The following NR1I3 variants were observed in gnomAD, a reference collection of about 807,000 sequenced individuals.
NR1I3 encodes the protein nuclear receptor subfamily 1 group I member 3.
A neutral mutation model predicts 38.4 loss-of-function variants in NR1I3; 30 were observed. That is an observed-to-expected ratio of 0.78 (90% CI 0.58 to 1.06). The LOEUF is 1.06. Among genes scored for constraint, NR1I3 ranks in the 50% least tolerant of loss-of-function variants. The pLI, the probability that NR1I3 is intolerant of heterozygous loss-of-function variation, is 0.00. For synonymous variants in NR1I3, 143 were observed against 165.1 expected (o/e 0.87, Z 1.03); for missense variants, 388 against 435.7 (o/e 0.89, Z 0.97).
rs150598676 is a variant in NR1I3 at position 161,232,929 on chromosome 1, G to A, written c.426C>T (p.Phe142=). The A allele has an allele frequency of 1.7e-5, 27 of 1,614,226 alleles. No homozygotes were observed. In the African/African-American group the frequency reaches 3.5e-4, roughly 21 times the overall value. ...FVQFRPPAHL[F]IHHQPLPTLA... is the part of the protein sequence containing the mutation. ...GGGTGGGCAAGGGCTGGTGATGGAT[G>A]AACAGATGAGCTGGAGGCTGCAATG... Residue 142 remains phenylalanine, a synonymous_variant, in exon 5 of 9, where the codon TTC becomes TTT. Coordinates refer to ENST00000367983, the MANE Select transcript of NR1I3 (RefSeq NM_005122.5).
In NR1I3 at chr1:161,236,698, G is replaced by A. The variant is rs924688051; in HGVS notation, c.-33-100C>T. On this transcript the variant is annotated intron_variant, in intron 1 of 8. Transcript: ENST00000367983. ...TCCAAACCAAACCAAACATGCCCTT[G>A]ACTTGATCCCTGGCGTTATCTTTTG... 230 of 1,207,772 alleles carry A rather than the reference G, an allele frequency of 1.9e-4. No homozygotes were observed. The South Asian group carries it at 1.9e-3, about 10-fold the overall frequency. The allele number at this position is 1,207,772 out of a possible 1,614,324, so 74.8% of individuals were successfully genotyped here.
At position 161,236,492 on chromosome 1, in the gene NR1I3, G is replaced by T. The variant is rs756548242; in HGVS notation, c.74C>A (p.Ala25Glu). 48 of 1,614,136 alleles carry T rather than the reference G, an allele frequency of 3.0e-5. No homozygotes were observed. Among genetic ancestry groups the T allele is most frequent in the Non-Finnish European group, 4.0e-5 (47 of 1,180,022 alleles). Residue 25 changes from alanine (A) to glutamate (E), a missense_variant, in exon 2 of 9, where the codon GCG (alanine) becomes GAG (glutamate). Ala to Glu is a moderately radical substitution (Grantham distance 107). Transcript: ENST00000367983. ...GDQATGYHFN[A>E]LTCEGCKGFF... ...ACCCTTGCAGCCCTCACAAGTCAGC[G>T]CATTAAAGTGGTAGCCTGTGGCTTG... is the stretch of plus-strand genomic sequence containing the variant.
At chr1:161,236,949 C>T (rs1324894593) in intron 1 of NR1I3, among the ~76,000 whole-genome samples, 1 of 136,962 alleles carries the variant, frequency 7.3e-6, no homozygotes, top group Non-Finnish European at 1.7e-5. Flanking sequence ...TGCCATGTTG[C>T]CCAGGTTGGT....
rs994487200 is a variant in NR1I3, at chr1:161,236,557, A to G, written c.9T>C (p.Ser3=). 9 of 1,613,822 alleles carry G rather than the reference A, an allele frequency of 5.6e-6. No homozygotes were observed. The Admixed American group carries it at 1.0e-4, about 18-fold the overall frequency. MA[S]REDELRNCVV... is the part of the protein sequence containing the mutation. ...CACAGTTCCTCAGCTCATCTTCCCT[A>G]CTGGCCATGACGTCACGTGTTGGGG... The change falls in exon 2 of 9, where the codon AGT becomes AGC. Residue 3 remains serine, a synonymous_variant. Transcript: ENST00000367983.
chr1:161,230,809 G>A lies in NR1I3; in HGVS notation c.917+4C>T, dbSNP rs2307419. ...GCCTCCAAGCCCTCAGTGTCCCACC[G>A]TACCGATCCCGGGGCCTTCGCTGCT... is the stretch of plus-strand genomic sequence containing the variant. On this transcript the variant is annotated splice_donor_region_variant and intron_variant, in intron 8 of 8. Coordinates refer to ENST00000367983, the MANE Select transcript of NR1I3 (RefSeq NM_005122.5). 1.4e-4 allele frequency: 225 copies of A among 1,613,894 alleles called. No individual in the cohort carries two copies. The highest frequency in any genetic ancestry group is 1.7e-4 in the African/African-American group (13 of 74,902).
At chr1:161,230,759 A>G (rs1301208032) in intron 8 of NR1I3, 54 bp downstream of exon 8, 2 of 1,611,770 alleles carry the variant, frequency 1.2e-6, no homozygotes, top group African/African-American at 2.7e-5. Flanking sequence ...TCAATGTTTC[A>G]CCAACCCCTT....
chr1:161,233,837 A>ATGTGTGTGTGTG (rs761756944), intron 3 of NR1I3, among the ~76,000 whole-genome samples: 3 of 118,572 alleles, frequency 2.5e-5, no homozygotes, highest in Non-Finnish European at 5.1e-5. Context: ...TCATATATAT[A>ATGTGTGTGTGTG]TGTGTGTGTG....
At chr1:161,237,972 C>T in intron 1 of NR1I3, 69 bp downstream of exon 1, 1 of 1,483,418 alleles carries the variant, frequency 6.7e-7, no homozygotes, top group Non-Finnish European at 9.4e-7. Context: ...ACGTGAGCCA[C>T]TATGCCTAGC....
chr1:161,232,528 A>G (rs1327407729), intron 5 of NR1I3, among the ~76,000 whole-genome samples: 2 of 150,688 alleles, frequency 1.3e-5, no homozygotes, highest in African/African-American at 4.9e-5. Context: ...AAACTTCTGG[A>G]CTCAAGCGAT....
chr1:161,232,895 CA>C lies in NR1I3; in HGVS notation c.459del (p.Val154CysfsTer83). 6.2e-7 allele frequency: 1 copy of C among 1,614,204 alleles called. No individual in the cohort carries two copies. Among genetic ancestry groups the C allele is most frequent in the Non-Finnish European group, 8.5e-7 (1 of 1,180,036 alleles). On this transcript the variant is annotated frameshift_variant, in exon 5 of 9. Coordinates refer to ENST00000367983, the MANE Select transcript of NR1I3 (RefSeq NM_005122.5). LOFTEE classifies it high-confidence loss of function. ...IHHQPLPTLA[P>X]VLPLVTHFAD... ...GCGAAGTGTGTGACCAGAGGCAGCA[CA>C]GGGGCCAGGGTGGGCAAGGGCTGGT... is the stretch of plus-strand genomic sequence containing the variant.
At position 161,233,330 on chromosome 1, in the gene NR1I3, A is replaced by T. The variant is rs1482010456; in HGVS notation, c.247T>A (p.Ser83Thr). Residue 83 changes from serine (S) to threonine (T), a missense_variant, in exon 4 of 9, where the codon TCG becomes ACG. Transcript: ENST00000367983. ...CGCCGCAATGCCAGGGCTTCTGCCGACAGTATCACTGTGCCAGGCAAGAGA... is the reference window on the plus strand; with the variant it reads ...CGCCGCAATGCCAGGGCTTCTGCCGTCAGTATCACTGTGCCAGGCAAGAGA... Reference protein sequence around the residue: ...DAGMRKDMILSAEALALRRAK... With the variant: ...DAGMRKDMILTAEALALRRAK... 6.2e-7 allele frequency: 1 copy of T among 1,613,418 alleles called. No homozygotes were observed. The highest frequency in any genetic ancestry group is 8.5e-7 in the Non-Finnish European group (1 of 1,179,938).
chr1:161,232,535 C>G (rs938462275), intron 5 of NR1I3, among the ~76,000 whole-genome samples: 2 of 151,796 alleles, frequency 1.3e-5, no homozygotes, highest in Non-Finnish European at 2.9e-5. Context: ...TGGACTCAAG[C>G]GATCTGCCAG....
chr1:161,230,542 C>T, intron 8 of NR1I3: 4 of 568,206 alleles, frequency 7.0e-6, no homozygotes, highest in Non-Finnish European at 9.3e-6. Flanking sequence ...CTCAGGAATG[C>T]TATTACCCAG....
intron 5 of NR1I3, among the ~76,000 whole-genome samples, 156 bp from the exon 6 acceptor site, chr1:161,231,630 A>T (rs2102127194): frequency 6.6e-6 from 1 of 151,806 alleles, no homozygotes. Flanking sequence ...CCTCCCAAGT[A>T]GCTTGGATTA....
chr1:161,233,915 ATATG>A (rs1198490137), intron 3 of NR1I3, among the ~76,000 whole-genome samples: 2 of 147,450 alleles, frequency 1.4e-5, no homozygotes, highest in African/African-American at 2.5e-5. Context: ...ATATGTGTAT[ATATG>A]TATATATATG....
intron 5 of NR1I3, among the ~76,000 whole-genome samples, chr1:161,231,948 C>T (rs188036044): frequency 6.6e-6 from 1 of 152,118 alleles, no homozygotes; most frequent in African/African-American, 2.4e-5. Flanking sequence ...AGGTGTGAGC[C>T]ACTGTGCCCA....
chr1:161,233,460 A>T (rs1234493980), intron 3 of NR1I3, 122 bp from the exon 4 acceptor site: 3 of 1,040,268 alleles, frequency 2.9e-6, no homozygotes, highest in South Asian at 3.0e-5. Flanking sequence ...AGTGGGGGGA[A>T]TTCCTGAGAC....
intron 1 of NR1I3, among the ~76,000 whole-genome samples, chr1:161,237,633 G>A (rs1159822774): frequency 2.6e-5 from 4 of 151,688 alleles, no homozygotes; most frequent in African/African-American, 9.7e-5. Context: ...CAGGAGAATC[G>A]CTTCAACCTG....
At chr1:161,237,257 G>C (rs1668782860) in intron 1 of NR1I3, among the ~76,000 whole-genome samples, 1 of 149,918 alleles carries the variant, frequency 6.7e-6, no homozygotes, top group Non-Finnish European at 1.5e-5. Context: ...CCAGGCTGGA[G>C]GGCAGTGGTG....
Sources: allele counts gnomAD v4.1 joint callset (sites outside exome capture counted in the v4.1 genomes callset), GRCh38; gene constraint gnomAD v4.1.1; transcripts MANE v1.5; gene names NCBI Gene and HGNC (gene_info 2026-07-23, HGNC 2026-07-21).